The following CAPRIN2 variants were observed in gnomAD, a reference collection of about 807,000 sequenced individuals.
The protein encoded by CAPRIN2 is caprin-2.
In CAPRIN2, 66 loss-of-function variants were observed where a neutral mutation model predicts 130.4. The ratio of observed to expected loss-of-function variants is 0.51; its 90% CI spans 0.42 to 0.62. The LOEUF (loss-of-function observed/expected upper bound fraction) is 0.62, where lower values mean the gene tolerates loss of function less well. CAPRIN2 is among the 20% of genes least tolerant of loss of function. The pLI is 0.00. For synonymous variants in CAPRIN2, 471 were observed against 444.1 expected (o/e 1.06, Z -0.76); for missense variants, 1,185 against 1,246.6 (o/e 0.95, Z 0.74).
At chr12:30,714,933 A>G (rs767542277) in intron 14 of CAPRIN2, 26 bp downstream of exon 16, 2 of 1,582,826 alleles carry the variant, frequency 1.3e-6, no homozygotes, top group Non-Finnish European at 1.7e-6. Flanking sequence ...ATAATTCAGT[A>G]TAATTCAATT....
chr12:30,735,787 C>A (rs1730503486), intron 3 of CAPRIN2, among the ~76,000 whole-genome samples: 1 of 152,106 alleles, frequency 6.6e-6, no homozygotes, highest in African/African-American at 2.4e-5. Flanking sequence ...TCAGTCTGGA[C>A]AGAGCTACAT....
At chr12:30,713,340 A>C (rs374333780) in intron 15 of CAPRIN2, among the ~76,000 whole-genome samples, 10 of 67,956 alleles carry the variant, frequency 1.5e-4, no homozygotes, top group Non-Finnish European at 3.0e-4. Context: ...CAAAAAACTT[A>C]ACGAAAAAGG....
intron 6 of CAPRIN2, 64 bp from the exon 8 acceptor site, chr12:30,730,346 A>G: frequency 9.0e-7 from 1 of 1,105,284 alleles, no homozygotes; most frequent in East Asian, 2.4e-5. Flanking sequence ...ACAGATTACA[A>G]CTATAATTCA....
Position 30,717,582 on chromosome 12 carries a change from C to T in CAPRIN2, c.2149-906G>A, listed in dbSNP as rs979818157. 3.3e-5 allele frequency among the ~76,000 whole-genome samples: 5 copies of T among 151,430 alleles called. No individual in the cohort carries two copies. The South Asian group carries it at 1.0e-3, about 32-fold the overall frequency. On this transcript the variant is annotated intron_variant, in intron 12 of 16. Coordinates refer to ENST00000298892, the Ensembl canonical transcript of CAPRIN2. ...TTAAAATGGTAAATTCTGTTACATACATTTTACCATAGTAAAAAAAAAACA... is the reference window on the plus strand; with the variant it reads ...TTAAAATGGTAAATTCTGTTACATATATTTTACCATAGTAAAAAAAAAACA...
At chr12:30,709,757 G>A in exon 17 of CAPRIN2, 1 of 858,652 alleles carries the variant, frequency 1.2e-6, no homozygotes, top group Non-Finnish European at 1.7e-6. Context: ...TTCACCTCAG[G>A]AAGGAAAACA....
rs373071475 is a variant in CAPRIN2 at position 30,742,504 on chromosome 12, A to C, written c.484-1398T>G. ...TAAAATTCTTCAGTGACAAAAAAAA[A>C]CCCCAAAACTTCAAGCATCCATCTA... On this transcript the variant is annotated intron_variant, in intron 2 of 16. Coordinates refer to ENST00000298892, the Ensembl canonical transcript of CAPRIN2. Among the ~76,000 whole-genome samples, 154 of 152,242 alleles carry C rather than the reference A, an allele frequency of 1.0e-3. 1 individual carries two copies. The highest frequency in any genetic ancestry group is 2.3e-3 in the African/African-American group (97 of 41,550).
In CAPRIN2 at chr12:30,751,147, AC is replaced by A. The variant is rs774407215; in HGVS notation, c.421-15del. 6.2e-7 allele frequency: 1 copy of A among 1,602,084 alleles called. No individual in the cohort carries two copies. The highest frequency in any genetic ancestry group is 8.6e-7 in the Non-Finnish European group (1 of 1,169,204). On this transcript the variant is annotated splice_polypyrimidine_tract_variant and intron_variant, in intron 1 of 16. Coordinates refer to ENST00000298892, the Ensembl canonical transcript of CAPRIN2. ...CTCCAGTTTGAGCTACAAAAGAGAA[AC>A]TTGTATCTACCATAGTCTGACATAA... is the stretch of plus-strand genomic sequence containing the variant.
chr12:30,713,920 C>T lies in CAPRIN2; in HGVS notation c.2501-35G>A, dbSNP rs754138587. ...AAACAAACTTACATAAGATTATGGA[C>T]AAAATCATATTAAACTTTTAAACAG... On this transcript the variant is annotated intron_variant, in intron 14 of 16. Coordinates refer to ENST00000298892, the Ensembl canonical transcript of CAPRIN2. 4.9e-6 allele frequency: 6 copies of T among 1,228,448 alleles called. No homozygotes were observed. The South Asian group carries it at 7.4e-5, about 15-fold the overall frequency. 76.1% of individuals were successfully genotyped at this position (1,228,448 alleles called of 1,614,324 possible). A position where few individuals can be genotyped will look rare whatever the true frequency, so the allele number is the denominator to read the frequency against.
At chr12:30,739,831 T>C (rs964473446) in intron 3 of CAPRIN2, among the ~76,000 whole-genome samples, 2 of 152,166 alleles carry the variant, frequency 1.3e-5, no homozygotes, top group African/African-American at 2.4e-5. Context: ...TGGAGCTGCA[T>C]AAGTGCCTGG....
intron 1 of CAPRIN2, chr12:30,751,429 A>C: frequency 3.3e-6 from 1 of 304,570 alleles, no homozygotes. Flanking sequence ...TACCTACTAA[A>C]TCATGTGTCC....
intron 2 of CAPRIN2, among the ~76,000 whole-genome samples, chr12:30,742,466 A>G (rs932645664): frequency 1.3e-5 from 2 of 152,144 alleles, no homozygotes; most frequent in Non-Finnish European, 2.9e-5. Context: ...AACACCTAAA[A>G]GATTCCTCAA....
At chr12:30,746,968 A>G (rs944423376) in intron 2 of CAPRIN2, among the ~76,000 whole-genome samples, 1 of 152,190 alleles carries the variant, frequency 6.6e-6, no homozygotes, top group African/African-American at 2.4e-5. Flanking sequence ...TTCCATAACT[A>G]GAGATGAGAA....
intron 3 of CAPRIN2, among the ~76,000 whole-genome samples, chr12:30,739,354 A>G (rs1565667330): frequency 1.3e-5 from 2 of 152,220 alleles, no homozygotes; most frequent in Non-Finnish European, 2.9e-5. Flanking sequence ...CTAAACAATG[A>G]GAACACATGG....
chr12:30,748,445 T>C (rs1251668616), intron 2 of CAPRIN2, among the ~76,000 whole-genome samples: 2 of 152,232 alleles, frequency 1.3e-5, no homozygotes, highest in East Asian at 3.8e-4. Context: ...AGCAATAAAA[T>C]AATTTTTAAT....
intron 2 of CAPRIN2, 89 bp downstream of exon 3, chr12:30,750,982 T>C (rs181890798): frequency 1.1e-6 from 1 of 913,728 alleles, no homozygotes. Flanking sequence ...TGTGTGTGTG[T>C]GCTATAAAGA....
chr12:30,750,408 G>C (rs1462783178), intron 2 of CAPRIN2, among the ~76,000 whole-genome samples: 1 of 152,124 alleles, frequency 6.6e-6, no homozygotes, highest in Admixed American at 6.5e-5. Flanking sequence ...CATCCACGAA[G>C]CACTGTTTTC....
intron 2 of CAPRIN2, among the ~76,000 whole-genome samples, chr12:30,747,162 T>C (rs1355652957): frequency 1.3e-5 from 2 of 152,182 alleles, no homozygotes; most frequent in Non-Finnish European, 2.9e-5. Flanking sequence ...TAGCACACCT[T>C]CTTACAGCAC....
At chr12:30,730,372 T>C (rs2062248616) in intron 6 of CAPRIN2, 90 bp from the exon 8 acceptor site, 3 of 901,338 alleles carry the variant, frequency 3.3e-6, no homozygotes, top group Non-Finnish European at 5.5e-6. Flanking sequence ...GCAACATATT[T>C]CAGAAGACTC....
At chr12:30,731,232 T>C in intron 6 of CAPRIN2, 111 bp downstream of exon 7, 1 of 698,028 alleles carries the variant, frequency 1.4e-6, no homozygotes, top group Non-Finnish European at 2.3e-6. Context: ...AAGATTTCCA[T>C]GCATGTAGAA....
Sources: gnomAD v4.1 joint callset for allele counts (sites outside exome capture counted in the v4.1 genomes callset) on GRCh38, gnomAD v4.1.1 for gene constraint, MANE v1.5 for transcripts, NCBI Gene and HGNC (gene_info 2026-07-23, HGNC 2026-07-21) for gene names.